Variants in DGKG observed in about 807,000 individuals in gnomAD.
DGKG encodes the protein diacylglycerol kinase gamma, also known as DAG kinase gamma.
In DGKG, 78 loss-of-function variants were observed where a neutral mutation model predicts 105.3. The observed-to-expected ratio is 0.74, with a 90% CI of 0.62 to 0.89. The LOEUF (loss-of-function observed/expected upper bound fraction) is 0.89. Among genes scored for constraint, DGKG ranks in the 40% least tolerant of loss-of-function variants. The probability of loss-of-function intolerance (pLI) is 0.00; values close to 1 mark genes in which losing one functional copy is unlikely to be tolerated. For missense variants in DGKG, 958 were observed against 1,020.1 expected, an observed-to-expected ratio of 0.94 and a Z score of 0.83; for synonymous variants, 346 against 367.1, an observed-to-expected ratio of 0.94 and a Z score of 0.66.
At chr3:186,292,665 G>C (rs1035610651) in intron 5 of DGKG, among the ~76,000 whole-genome samples, 1 of 138,636 alleles carries the variant, frequency 7.2e-6, no homozygotes, top group African/African-American at 2.5e-5. Flanking sequence ...GTGGTGGCGG[G>C]TGCCTGTAAT....
chr3:186,154,632 G>A (rs1471396059), intron 24 of DGKG, among the ~76,000 whole-genome samples: 4 of 129,258 alleles, frequency 3.1e-5, no homozygotes, highest in African/African-American at 1.2e-4. Context: ...ACAACAGAGC[G>A]AGACTCTGTC....
At chr3:186,330,811 A>G (rs1396062745) in intron 1 of DGKG, among the ~76,000 whole-genome samples, 1 of 152,234 alleles carries the variant, frequency 6.6e-6, no homozygotes, top group Non-Finnish European at 1.5e-5. Context: ...CACGTGGAGC[A>G]GAGATAACCC....
In DGKG at chr3:186,265,242, G is replaced by A. The variant is rs141100071; in HGVS notation, c.1269+5C>T. On this transcript the variant is annotated splice_donor_5th_base_variant and intron_variant, in intron 14 of 24. Transcript: ENST00000265022. ...GTGCAATCGGATTTAGAGCTCATGA[G>A]GTACCTGCATGACAAGTTCGCCCTT... The A allele has an allele frequency of 6.2e-7, 1 of 1,614,112 alleles. No homozygotes were observed. The highest frequency in any genetic ancestry group is 2.2e-5 in the East Asian group (1 of 44,892).
chr3:186,274,806 G>C (rs1166144681), intron 10 of DGKG, among the ~76,000 whole-genome samples: 1 of 152,024 alleles, frequency 6.6e-6, no homozygotes, highest in Non-Finnish European at 1.5e-5. Context: ...ATTTGGGTTG[G>C]TTCTAAGTCT....
intron 1 of DGKG, among the ~76,000 whole-genome samples, chr3:186,331,188 C>T (rs539974576): frequency 7.9e-5 from 12 of 152,236 alleles, no homozygotes; most frequent in African/African-American, 2.6e-4. Context: ...GCAAGAATAG[C>T]AGTAGCTGAA....
In DGKG at chr3:186,275,631, T is replaced by A. The variant is rs773972684; in HGVS notation, c.826A>T (p.Met276Leu). The change falls in exon 10 of 25, where the codon ATG becomes TTG. Residue 276 changes from methionine (M) to leucine (L), a missense_variant. Physicochemically the swap from Met to Leu is conservative, Grantham distance 15 (BLOSUM62 2). Coordinates refer to ENST00000265022, the MANE Select transcript of DGKG (RefSeq NM_001346.3). The part of the protein sequence containing the change: ...SKGDGRHAWT[M>L]KHFKKPTYCN... Reference sequence around the variant, plus strand: ...TAGGTTGGTTTCTTGAAGTGCTTCATGGTCCAGGCGTGCCGCCCATCCCCC... The same window carrying A: ...TAGGTTGGTTTCTTGAAGTGCTTCAAGGTCCAGGCGTGCCGCCCATCCCCC... The A allele has an allele frequency of 1.2e-6, 2 of 1,614,046 alleles. No individual in the cohort carries two copies. The highest frequency in any genetic ancestry group is 2.7e-5 in the African/African-American group (2 of 74,950).
At chr3:186,304,254 G>A (rs539697557) in intron 3 of DGKG, among the ~76,000 whole-genome samples, 2 of 152,212 alleles carry the variant, frequency 1.3e-5, no homozygotes, top group African/African-American at 2.4e-5. Flanking sequence ...CTGGGGGTGG[G>A]GGGTGTGGGG....
chr3:186,207,604 C>T, intron 21 of DGKG: 1 of 411,858 alleles, frequency 2.4e-6, no homozygotes, highest in Non-Finnish European at 3.3e-6. Flanking sequence ...AACCCCTATG[C>T]CCCCCATTTT....
At chr3:186,272,028 C>T (rs1039956150) in intron 11 of DGKG, among the ~76,000 whole-genome samples, 2 of 152,302 alleles carry the variant, frequency 1.3e-5, no homozygotes, top group Middle Eastern at 3.4e-3. Context: ...GGCTGGGGAG[C>T]GTCTCTTACA....
At chr3:186,248,810 C>T (rs574392728) in intron 19 of DGKG, among the ~76,000 whole-genome samples, 11 of 152,286 alleles carry the variant, frequency 7.2e-5, no homozygotes, top group South Asian at 2.1e-4. Flanking sequence ...TGCCACTCAC[C>T]AGCCTGAACT....
intron 2 of DGKG, 33 bp downstream of exon 2, chr3:186,320,360 T>C: frequency 1.2e-6 from 2 of 1,613,636 alleles, no homozygotes; most frequent in Non-Finnish European, 1.7e-6. Context: ...CAAGAAGAAA[T>C]CCCGTCCCAG....
intron 1 of DGKG, among the ~76,000 whole-genome samples, chr3:186,332,510 T>A (rs1725649909): frequency 6.6e-6 from 1 of 152,190 alleles, no homozygotes; most frequent in Non-Finnish European, 1.5e-5. Flanking sequence ...GGGAAGCGTC[T>A]GCCCTAGACT....
At chr3:186,217,058 G>T (rs1437730695) in intron 20 of DGKG, among the ~76,000 whole-genome samples, 1 of 152,200 alleles carries the variant, frequency 6.6e-6, no homozygotes, top group Non-Finnish European at 1.5e-5. Flanking sequence ...TGCATAGTAA[G>T]TGCTCAGTAG....
At chr3:186,196,929 T>C (rs2108507694) in intron 21 of DGKG, among the ~76,000 whole-genome samples, 1 of 152,250 alleles carries the variant, frequency 6.6e-6, no homozygotes, top group South Asian at 2.1e-4. Flanking sequence ...AGATGGGATC[T>C]AAAAGGATAA....
chr3:186,286,758 G>A (rs1234392505), intron 6 of DGKG, among the ~76,000 whole-genome samples: 4 of 152,168 alleles, frequency 2.6e-5, no homozygotes, highest in Non-Finnish European at 4.4e-5. Flanking sequence ...TGCAGGCCGG[G>A]TGCCATGGCT....
chr3:186,268,765 TGAAAA>T, intron 12 of DGKG, 31 bp downstream of exon 12: 2 of 1,482,070 alleles, frequency 1.3e-6, no homozygotes, highest in Non-Finnish European at 1.9e-6. Context: ...AAAAAAACGT[TGAAAA>T]GAAGCAGGGC....
At chr3:186,318,589 T>G (rs912934030) in intron 2 of DGKG, among the ~76,000 whole-genome samples, 3 of 152,078 alleles carry the variant, frequency 2.0e-5, no homozygotes, top group African/African-American at 7.2e-5. Context: ...AATGGGGGGA[T>G]CCAGGCCAAT....
chr3:186,319,017 C>T (rs1272744849), intron 2 of DGKG, among the ~76,000 whole-genome samples: 1 of 152,222 alleles, frequency 6.6e-6, no homozygotes, highest in African/African-American at 2.4e-5. Flanking sequence ...CCAGGGTAGG[C>T]CTCTCCTTTG....
At chr3:186,348,460 T>G (rs1273260927) in intron 1 of DGKG, among the ~76,000 whole-genome samples, 2 of 147,998 alleles carry the variant, frequency 1.4e-5, no homozygotes, top group Non-Finnish European at 3.0e-5. Context: ...TCTTTTTTTT[T>G]TTTTTTTTTT....
Sources: gnomAD v4.1 joint callset for allele counts (sites outside exome capture counted in the v4.1 genomes callset) on GRCh38, gnomAD v4.1.1 for gene constraint, MANE v1.5 for transcripts, NCBI Gene and HGNC (gene_info 2026-07-23, HGNC 2026-07-21) for gene names.